ALPL: variants seen among roughly 807,000 people sequenced by gnomAD.
The protein encoded by ALPL is alkaline phosphatase, tissue-nonspecific isozyme.
A neutral mutation model predicts 51.3 loss-of-function variants in ALPL; 42 were observed. The ratio of observed to expected loss-of-function variants is 0.82; its 90% CI spans 0.64 to 1.06. ALPL has a LOEUF of 1.06. Ranked by LOEUF, ALPL falls within the 50% of genes least tolerant of loss-of-function variation. The probability of loss-of-function intolerance (pLI) is 0.00; values close to 1 mark genes in which losing one functional copy is unlikely to be tolerated. For synonymous variants in ALPL, 279 were observed against 296.4 expected (o/e 0.94, Z 0.60); for missense variants, 589 against 709.4 (o/e 0.83, Z 1.93).
intron 1 of ALPL, among the ~76,000 whole-genome samples, chr1:21,540,368 G>A (rs1169600395): frequency 1.3e-5 from 2 of 152,188 alleles, no homozygotes; most frequent in African/African-American, 4.8e-5. Flanking sequence ...TGCCCACAGA[G>A]TTGGTTTGGG....
intron 2 of ALPL, among the ~76,000 whole-genome samples, chr1:21,558,719 G>A (rs1244961221): frequency 2.0e-5 from 3 of 152,194 alleles, no homozygotes; most frequent in Admixed American, 2.0e-4. Context: ...AGGGTAGTGG[G>A]CTGAGGGATT....
intron 1 of ALPL, among the ~76,000 whole-genome samples, chr1:21,539,120 G>A (rs575896239): frequency 3.3e-5 from 5 of 152,288 alleles, no homozygotes; most frequent in Admixed American, 2.0e-4. Flanking sequence ...TTCCAGTCTT[G>A]CCTCCTGTTT....
intron 1 of ALPL, among the ~76,000 whole-genome samples, chr1:21,539,309 C>T (rs1037485673): frequency 1.3e-5 from 2 of 152,110 alleles, no homozygotes; most frequent in South Asian, 2.1e-4. Context: ...TTGTGGGGAT[C>T]AAGTGAGTTA....
At position 21,577,881 on chromosome 1, in the gene ALPL, A is replaced by C. The variant is rs1772719; in HGVS notation, c.*233A>C. The stretch of plus-strand genomic sequence containing the variant: ...CTCCCTCCCCGCTGCCCTTTGGCCA[A>C]CAGGGTAGATTTCTCTTGGGCAGGC... On this transcript the variant is annotated 3_prime_UTR_variant, in exon 12 of 12. Transcript: ENST00000374840. 0.18 allele frequency: 112,408 copies of C among 607,970 alleles called. 11,301 individuals carry two copies. Among genetic ancestry groups the C allele is most frequent in the South Asian group, 0.21 (10,472 of 49,530 alleles). The allele number at this position is 607,970 out of a possible 1,614,324, so 37.7% of individuals were successfully genotyped here.
At chr1:21,557,761 T>C (rs533211514) in intron 2 of ALPL, among the ~76,000 whole-genome samples, 2 of 152,248 alleles carry the variant, frequency 1.3e-5, no homozygotes, top group East Asian at 3.9e-4. Context: ...TAGATATAAC[T>C]TACAGAAAAG....
At chr1:21,518,120 T>A (rs897019462) in intron 1 of ALPL, among the ~76,000 whole-genome samples, 4 of 152,052 alleles carry the variant, frequency 2.6e-5, no homozygotes, top group Non-Finnish European at 5.9e-5. Context: ...GGTAGGAACC[T>A]TTTATGAGGC....
chr1:21,572,069 T>A (rs1406076205), intron 8 of ALPL, among the ~76,000 whole-genome samples: 2 of 152,180 alleles, frequency 1.3e-5, no homozygotes, highest in Non-Finnish European at 2.9e-5. Flanking sequence ...GGAGGCTTGC[T>A]TGAGCCCAAG....
chr1:21,566,680 C>G (rs887303082), intron 6 of ALPL, among the ~76,000 whole-genome samples: 1 of 152,092 alleles, frequency 6.6e-6, no homozygotes, highest in Non-Finnish European at 1.5e-5. Flanking sequence ...GTCTCAGCCT[C>G]CTGGGCTCAA....
chr1:21,539,643 C>T (rs1292866809), intron 1 of ALPL, among the ~76,000 whole-genome samples: 5 of 147,058 alleles, frequency 3.4e-5, no homozygotes, highest in African/African-American at 9.9e-5. Flanking sequence ...TCTGTGTCTT[C>T]CTTTTCTTTT....
chr1:21,563,279 A>G lies in ALPL; in HGVS notation c.467A>G (p.Asp156Gly). The G allele has an allele frequency of 7.5e-6, 12 of 1,608,378 alleles. No individual in the cohort carries two copies. The highest frequency in any genetic ancestry group is 1.0e-5 in the Non-Finnish European group (12 of 1,176,384). The change falls in exon 5 of 12, where the codon GAC becomes GGC. Residue 156 changes from aspartate (D) to glycine (G), a missense_variant. Asp to Gly is a moderately conservative substitution (Grantham distance 94). Transcript: ENST00000374840. ...EVTSILRWAK[D>G]AGKSVGIVTT... ...ACCTCCATCCTGCGCTGGGCCAAGG[A>G]CGCTGGTGAGTCGGGGGAGCAGTGG...
chr1:21,529,315 G>A (rs1336946048), intron 1 of ALPL, among the ~76,000 whole-genome samples: 1 of 151,718 alleles, frequency 6.6e-6, no homozygotes, highest in Non-Finnish European at 1.5e-5. Flanking sequence ...GAGTGCAGTG[G>A]CATGAACATG....
chr1:21,533,381 T>C (rs1052720089), intron 1 of ALPL, among the ~76,000 whole-genome samples: 2 of 152,234 alleles, frequency 1.3e-5, no homozygotes, highest in Non-Finnish European at 2.9e-5. Flanking sequence ...GTTTGGTAGA[T>C]TCTTGATGAT....
chr1:21,540,051 T>A (rs1394707303), intron 1 of ALPL, among the ~76,000 whole-genome samples: 1 of 152,130 alleles, frequency 6.6e-6, no homozygotes, highest in African/African-American at 2.4e-5. Context: ...CTGAGGGAAG[T>A]GCTGGAGGAG....
chr1:21,527,328 G>A (rs1184351369), intron 1 of ALPL, among the ~76,000 whole-genome samples: 2 of 152,016 alleles, frequency 1.3e-5, no homozygotes, highest in East Asian at 1.9e-4. Flanking sequence ...CACCACGCCC[G>A]GCCCTTCTTG....
chr1:21,544,306 T>A (rs147497701), intron 1 of ALPL, among the ~76,000 whole-genome samples: 1 of 152,242 alleles, frequency 6.6e-6, no homozygotes, highest in African/African-American at 2.4e-5. Flanking sequence ...GGATCAGATT[T>A]GCTGGCTGTG....
chr1:21,539,259 T>G (rs1278388211), intron 1 of ALPL, among the ~76,000 whole-genome samples: 2 of 152,182 alleles, frequency 1.3e-5, no homozygotes, highest in Non-Finnish European at 2.9e-5. Context: ...TTTTGTCATC[T>G]GTAAAATGGG....
chr1:21,525,168 C>T (rs1006948058), intron 1 of ALPL, among the ~76,000 whole-genome samples: 5 of 152,182 alleles, frequency 3.3e-5, no homozygotes, highest in African/African-American at 7.2e-5. Flanking sequence ...TTGGAGGAAA[C>T]GGATGCTTTC....
At position 21,577,377 on chromosome 1, in the gene ALPL, C is replaced by T. The variant is rs751698777; in HGVS notation, c.1310-6C>T. On this transcript the variant is annotated splice_polypyrimidine_tract_variant and splice_region_variant and intron_variant, in intron 11 of 11. Transcript: ENST00000374840. The stretch of plus-strand genomic sequence containing the variant: ...GCTCTCAGCAGGTGTTTCCCCTGGC[C>T]CACAGCTCACAACAACTACCAGGCG... 1.9e-6 allele frequency: 3 copies of T among 1,613,268 alleles called. No individual in the cohort carries two copies. In the Admixed American group the frequency reaches 5.0e-5, roughly 27 times the overall value.
At chr1:21,515,787 C>T (rs984420311) in intron 1 of ALPL, among the ~76,000 whole-genome samples, 3 of 152,174 alleles carry the variant, frequency 2.0e-5, no homozygotes, top group Non-Finnish European at 1.5e-5. Context: ...CTCAGGCTGA[C>T]GTTCTCAGGC....
Sources: allele counts gnomAD v4.1 joint callset (sites outside exome capture counted in the v4.1 genomes callset), GRCh38; gene constraint gnomAD v4.1.1; transcripts MANE v1.5; gene names NCBI Gene and HGNC (gene_info 2026-07-23, HGNC 2026-07-21).